MYT1L: variants seen among roughly 807,000 people sequenced by gnomAD.
MYT1L encodes myelin transcription factor 1-like protein.
MYT1L carries 12 observed loss-of-function variants against 126.7 expected under a neutral mutation model. The observed-to-expected ratio is 0.09, with a 90% CI of 0.06 to 0.15. The LOEUF (loss-of-function observed/expected upper bound fraction) is 0.15, where lower values mean the gene tolerates loss of function less well. MYT1L is among the 10% of genes least tolerant of loss of function. MYT1L has a pLI of 1.00. For synonymous variants in MYT1L, 541 were observed against 604.2 expected, an observed-to-expected ratio of 0.90 and a Z score of 1.53; for missense variants, 979 against 1,585.2, an observed-to-expected ratio of 0.62 and a Z score of 6.49.
At position 1,890,202 on chromosome 2, in the gene MYT1L, T is replaced by C. The variant is rs140620745; in HGVS notation, c.2284-725A>G. 6.5e-3 allele frequency among the ~76,000 whole-genome samples: 993 copies of C among 152,158 alleles called. 8 individuals carry two copies. The highest frequency in any genetic ancestry group is 0.023 in the African/African-American group (959 of 41,506). ...CTCCTGTCTCAGCTTCCCAAGTAGCTGGGACTGCAGGTTTGCACCACCATG... is the reference window on the plus strand; with the variant it reads ...CTCCTGTCTCAGCTTCCCAAGTAGCCGGGACTGCAGGTTTGCACCACCATG... On this transcript the variant is annotated intron_variant, in intron 15 of 24. Transcript: ENST00000647738.
chr2:1,818,858 G>A (rs994882620), intron 21 of MYT1L, among the ~76,000 whole-genome samples: 3 of 152,192 alleles, frequency 2.0e-5, no homozygotes, highest in Non-Finnish European at 4.4e-5. Context: ...GCCAAACAGG[G>A]TGCTCTCAAA....
intron 14 of MYT1L, among the ~76,000 whole-genome samples, chr2:1,896,812 G>A (rs1466303636): frequency 6.7e-6 from 1 of 149,714 alleles, no homozygotes; most frequent in African/African-American, 2.4e-5. Flanking sequence ...AAACAAAAAA[G>A]AAAAATGCTA....
At chr2:2,195,219 CAGA>C (rs1025891932) in intron 2 of MYT1L, among the ~76,000 whole-genome samples, 2 of 152,156 alleles carry the variant, frequency 1.3e-5, no homozygotes, top group African/African-American at 4.8e-5. Context: ...AATATCTGAA[CAGA>C]AGGTTTGTCA....
intron 4 of MYT1L, among the ~76,000 whole-genome samples, chr2:2,003,321 G>A (rs1366797262): frequency 1.3e-5 from 2 of 152,134 alleles, no homozygotes; most frequent in Non-Finnish European, 2.9e-5. Context: ...CAGGTAGGAG[G>A]GTCACTTATT....
intron 21 of MYT1L, among the ~76,000 whole-genome samples, chr2:1,833,194 T>C (rs2040416303): frequency 6.6e-6 from 1 of 152,168 alleles, no homozygotes; most frequent in Non-Finnish European, 1.5e-5. Flanking sequence ...ATCTGTCCCG[T>C]GGTTGGCCTT....
chr2:2,010,232 G>A (rs560495672), intron 4 of MYT1L, among the ~76,000 whole-genome samples: 5 of 152,258 alleles, frequency 3.3e-5, no homozygotes, highest in South Asian at 2.1e-4. Context: ...AAGGTGAGAC[G>A]TACAGGCAGC....
At chr2:1,907,733 G>A (rs557439400) in intron 13 of MYT1L, among the ~76,000 whole-genome samples, 141 of 152,384 alleles carry the variant, frequency 9.3e-4, no homozygotes, top group African/African-American at 2.5e-3. Flanking sequence ...TTAAATGACT[G>A]TAGGTTTAAC....
At chr2:2,159,329 CTT>C (rs1374442029) in intron 3 of MYT1L, among the ~76,000 whole-genome samples, 1 of 152,148 alleles carries the variant, frequency 6.6e-6, no homozygotes, top group Non-Finnish European at 1.5e-5. Flanking sequence ...CCTCAAAACT[CTT>C]AGGTGTCGGC....
chr2:2,261,476 A>G (rs1417784580), intron 2 of MYT1L, among the ~76,000 whole-genome samples: 1 of 152,206 alleles, frequency 6.6e-6, no homozygotes, highest in East Asian at 1.9e-4. Context: ...GGATAGCCAC[A>G]GCATTAGTCC....
chr2:1,807,721 T>G (rs1042278072), intron 22 of MYT1L, among the ~76,000 whole-genome samples: 12 of 151,698 alleles, frequency 7.9e-5, no homozygotes, highest in Non-Finnish European at 1.5e-4. Flanking sequence ...GCTATAAAGT[T>G]ACTGCACACA....
chr2:1,991,120 C>T (rs1450025414), intron 5 of MYT1L, among the ~76,000 whole-genome samples: 4 of 152,178 alleles, frequency 2.6e-5, no homozygotes, highest in Non-Finnish European at 4.4e-5. Flanking sequence ...CTGGTCTCAA[C>T]TACGTCTCTC....
rs572094378 is a variant in MYT1L at position 2,102,279 on chromosome 2, T to A, written c.-303-48156A>T. On this transcript the variant is annotated intron_variant, in intron 3 of 24. Transcript: ENST00000647738. ...TTTGTATATCAAACATTTTGATCCCTCCAAACTGTTATGAGAATTATAGTT... is the reference window on the plus strand; with the variant it reads ...TTTGTATATCAAACATTTTGATCCCACCAAACTGTTATGAGAATTATAGTT... 1.1e-3 allele frequency among the ~76,000 whole-genome samples: 174 copies of A among 152,318 alleles called. 1 individual carries two copies. Among genetic ancestry groups the A allele is most frequent in the African/African-American group, 3.9e-3 (164 of 41,566 alleles).
At chr2:1,874,447 T>A (rs1281341307) in intron 18 of MYT1L, among the ~76,000 whole-genome samples, 1 of 152,176 alleles carries the variant, frequency 6.6e-6, no homozygotes, top group Non-Finnish European at 1.5e-5. Flanking sequence ...GCCAGACTTA[T>A]CTCTCAGCTG....
chr2:1,976,434 G>A (rs995921966), intron 8 of MYT1L, among the ~76,000 whole-genome samples: 2 of 152,230 alleles, frequency 1.3e-5, no homozygotes, highest in Non-Finnish European at 2.9e-5. Context: ...CGGAGATCAG[G>A]AGTTCGAGAC....
intron 4 of MYT1L, among the ~76,000 whole-genome samples, chr2:2,022,275 A>G (rs984058689): frequency 5.3e-5 from 8 of 152,270 alleles, no homozygotes; most frequent in Admixed American, 1.3e-4. Flanking sequence ...CCTCACGGTT[A>G]GGAGCACATG....
intron 14 of MYT1L, among the ~76,000 whole-genome samples, chr2:1,892,723 T>C (rs1294628529): frequency 2.0e-5 from 3 of 152,038 alleles, no homozygotes; most frequent in Non-Finnish European, 4.4e-5. Context: ...CCGCAGCACA[T>C]GAGGGCTCGT....
At chr2:2,138,792 T>C (rs185893051) in intron 3 of MYT1L, among the ~76,000 whole-genome samples, 592 of 148,278 alleles carry the variant, frequency 4.0e-3, no homozygotes, top group Middle Eastern at 0.024. Flanking sequence ...CATGTATACA[T>C]ATGTAATTAA....
At chr2:2,233,815 A>G (rs1436907378) in intron 2 of MYT1L, among the ~76,000 whole-genome samples, 1 of 152,316 alleles carries the variant, frequency 6.6e-6, no homozygotes, top group African/African-American at 2.4e-5. Flanking sequence ...CTCACCCTGT[A>G]CTGGCCTGCC....
At chr2:2,252,074 T>C (rs928469538) in intron 2 of MYT1L, among the ~76,000 whole-genome samples, 3 of 152,148 alleles carry the variant, frequency 2.0e-5, no homozygotes, top group African/African-American at 7.2e-5. Flanking sequence ...AAAATTCAGC[T>C]GTCCTTGTTA....
Sources: allele counts gnomAD v4.1 joint callset (sites outside exome capture counted in the v4.1 genomes callset), GRCh38; gene constraint gnomAD v4.1.1; transcripts MANE v1.5; gene names NCBI Gene and HGNC (gene_info 2026-07-23, HGNC 2026-07-21).